The following TAF1B variants were observed in gnomAD, a reference collection of about 807,000 sequenced individuals.
TAF1B encodes the protein TATA box-binding protein-associated factor RNA polymerase I subunit B.
In TAF1B, 61 loss-of-function variants were observed where a neutral mutation model predicts 83.9. The ratio of observed to expected loss-of-function variants is 0.73; its 90% CI spans 0.59 to 0.90. The LOEUF is 0.90. Ranked by LOEUF, TAF1B falls within the 40% of genes least tolerant of loss-of-function variation. The pLI is 0.00. For missense variants in TAF1B, 625 were observed against 677.0 expected (o/e 0.92, Z 0.85); for synonymous variants, 221 against 224.6 (o/e 0.98, Z 0.14).
chr2:9,900,095 G>A (rs1405103176), intron 8 of TAF1B, among the ~76,000 whole-genome samples: 5 of 152,258 alleles, frequency 3.3e-5, no homozygotes, highest in Middle Eastern at 6.8e-3. Flanking sequence ...AAAACATAAT[G>A]TTAGGTCAAA....
At chr2:9,878,392 G>A (rs1288162832) in intron 7 of TAF1B, among the ~76,000 whole-genome samples, 1 of 151,976 alleles carries the variant, frequency 6.6e-6, no homozygotes, top group Admixed American at 6.6e-5. Flanking sequence ...CTGGCCCAGA[G>A]GATTCTTATG....
chr2:9,873,535 C>A (rs1302554605), intron 6 of TAF1B, among the ~76,000 whole-genome samples: 1 of 151,966 alleles, frequency 6.6e-6, no homozygotes, highest in Non-Finnish European at 1.5e-5. Context: ...TATTCAGCTG[C>A]TGACTCAACA....
rs528244087 is a variant in TAF1B at position 9,909,148 on chromosome 2, G to A, written c.956-1588G>A. The stretch of plus-strand genomic sequence containing the variant: ...GTTTCAAGAAAGAAATTAATTTTGT[G>A]TTTTATTCTTTATCATAAACGTGTA... On this transcript the variant is annotated intron_variant, in intron 9 of 14. Transcript: ENST00000263663. 2.0e-5 allele frequency among the ~76,000 whole-genome samples: 3 copies of A among 152,264 alleles called. No homozygotes were observed. In the East Asian group the frequency reaches 5.8e-4, roughly 29 times the overall value.
intron 8 of TAF1B, among the ~76,000 whole-genome samples, chr2:9,886,125 T>C (rs389002): frequency 0.28 from 42,169 of 151,720 alleles, 6,786 homozygotes; most frequent in Middle Eastern, 0.38. Context: ...TATTGACGTA[T>C]TCAAATGGCA....
rs556139508 is a variant in TAF1B, at chr2:9,843,753, C to T, written c.18+194C>T. On this transcript the variant is annotated intron_variant, in intron 1 of 14. Transcript: ENST00000263663. ...TGCGCGCGCGGCTTTGGTAAAGAGG[C>T]TGGAGTTTCTGGCTCGGCGAGGTTG... 1,263 of 547,362 alleles carry T rather than the reference C, an allele frequency of 2.3e-3. 4 individuals are homozygous for T. Among genetic ancestry groups the T allele is most frequent in the Non-Finnish European group, 3.4e-3 (1,098 of 320,290 alleles). 33.9% of individuals were successfully genotyped at this position (547,362 alleles called of 1,614,324 possible).
intron 14 of TAF1B, among the ~76,000 whole-genome samples, chr2:9,920,799 T>G (rs1665855730): frequency 6.6e-6 from 1 of 152,200 alleles, no homozygotes; most frequent in Non-Finnish European, 1.5e-5. Flanking sequence ...AGTGTGGGCA[T>G]GTGAAGTCTA....
chr2:9,888,607 C>T (rs1171601516), intron 8 of TAF1B, among the ~76,000 whole-genome samples: 3 of 151,800 alleles, frequency 2.0e-5, no homozygotes. Flanking sequence ...AGATGTCATT[C>T]CATTGTCTTC....
chr2:9,884,764 C>T (rs449472), intron 8 of TAF1B, among the ~76,000 whole-genome samples: 42,376 of 151,984 alleles, frequency 0.28, 6,893 homozygotes, highest in Middle Eastern at 0.4. Context: ...TAAAGCTGGT[C>T]ATCCCTTCTG....
At chr2:9,846,537 G>C (rs151296839) in intron 2 of TAF1B, among the ~76,000 whole-genome samples, 1 of 152,118 alleles carries the variant, frequency 6.6e-6, no homozygotes. Context: ...TGGCTAAGAT[G>C]GACTAACAGA....
intron 8 of TAF1B, among the ~76,000 whole-genome samples, chr2:9,897,845 G>A (rs1023299811): frequency 6.6e-6 from 1 of 152,096 alleles, no homozygotes; most frequent in Admixed American, 6.5e-5. Context: ...AACCTGACAG[G>A]TTTCAAATCT....
chr2:9,911,756 C>G (rs764894711), intron 11 of TAF1B, among the ~76,000 whole-genome samples, 199 bp downstream of exon 11: 2 of 152,078 alleles, frequency 1.3e-5, no homozygotes, highest in Non-Finnish European at 2.9e-5. Context: ...ATCAGTGAGT[C>G]CGTATTATAT....
chr2:9,843,500 CG>C lies in TAF1B; in HGVS notation c.-39del. ...TTTCCCGGAAGCTGCGCTCGCTACC[CG>C]GGTAACGGGTCCCGGCTGTGGAAGC... On this transcript the variant is annotated 5_prime_UTR_variant, in exon 1 of 15. Coordinates refer to ENST00000263663, the MANE Select transcript of TAF1B (RefSeq NM_005680.3). The C allele has an allele frequency of 6.6e-7, 1 of 1,520,742 alleles. No individual in the cohort carries two copies. Among genetic ancestry groups the C allele is most frequent in the Non-Finnish European group, 8.9e-7 (1 of 1,129,720 alleles). The allele number at this position is 1,520,742 out of a possible 1,614,324, so 94.2% of individuals were successfully genotyped here.
At chr2:9,853,917 A>G (rs756446766) in intron 4 of TAF1B, among the ~76,000 whole-genome samples, 13 of 152,172 alleles carry the variant, frequency 8.5e-5, no homozygotes, top group Non-Finnish European at 1.8e-4. Context: ...CAACTCGGTG[A>G]TTTTAATGTC....
chr2:9,924,997 C>T (rs1050609418), intron 14 of TAF1B, among the ~76,000 whole-genome samples: 2 of 152,070 alleles, frequency 1.3e-5, no homozygotes, highest in African/African-American at 2.4e-5. Context: ...AGGTGGTGGC[C>T]GTCACCTCCC....
chr2:9,871,922 C>A (rs1664178826), intron 6 of TAF1B, among the ~76,000 whole-genome samples: 1 of 152,090 alleles, frequency 6.6e-6, no homozygotes, highest in African/African-American at 2.4e-5. Context: ...CTCAACAGTG[C>A]ATGTGAGTGG....
chr2:9,906,871 T>C (rs900892517), intron 9 of TAF1B, among the ~76,000 whole-genome samples: 17 of 152,160 alleles, frequency 1.1e-4, no homozygotes, highest in African/African-American at 4.1e-4. Flanking sequence ...GCACGGGGAG[T>C]GCAATAAGCT....
chr2:9,932,656 T>C (rs4668658), intron 14 of TAF1B, among the ~76,000 whole-genome samples: 151,926 of 152,300 alleles, frequency 1, 75,778 homozygotes, highest in Middle Eastern at 1. Context: ...GCAGTCTGTC[T>C]GTTCTCAGAG....
chr2:9,903,602 G>A (rs753603873), intron 8 of TAF1B, among the ~76,000 whole-genome samples: 1 of 152,194 alleles, frequency 6.6e-6, no homozygotes, highest in African/African-American at 2.4e-5. Flanking sequence ...TGCGAGTTTA[G>A]TATAAAGTTG....
intron 8 of TAF1B, among the ~76,000 whole-genome samples, chr2:9,901,555 A>T: frequency 6.6e-6 from 1 of 152,088 alleles, no homozygotes; most frequent in East Asian, 1.9e-4. Flanking sequence ...CATTTTTTAG[A>T]TGATTTTTTT....
Sources: gnomAD v4.1 joint callset for allele counts (sites outside exome capture counted in the v4.1 genomes callset) on GRCh38, gnomAD v4.1.1 for gene constraint, MANE v1.5 for transcripts, NCBI Gene and HGNC (gene_info 2026-07-23, HGNC 2026-07-21) for gene names.